KIFC3: variants seen among roughly 807,000 people sequenced by gnomAD.
KIFC3 encodes kinesin family member C3.
In KIFC3, 60 loss-of-function variants were observed where a neutral mutation model predicts 101.8. The ratio of observed to expected loss-of-function variants is 0.59; its 90% CI spans 0.48 to 0.73. The LOEUF is 0.73. Ranked by LOEUF, KIFC3 falls within the 30% of genes least tolerant of loss-of-function variation. The pLI, the probability that KIFC3 is intolerant of heterozygous loss-of-function variation, is 0.00. For missense variants in KIFC3, 966 were observed against 1,137.1 expected (o/e 0.85, Z 2.16); for synonymous variants, 476 against 482.7 (o/e 0.99, Z 0.18).
intron 1 of KIFC3, among the ~76,000 whole-genome samples, chr16:57,823,784 TG>T (rs2055403428): frequency 6.6e-6 from 1 of 151,242 alleles, no homozygotes; most frequent in African/African-American, 2.4e-5. Context: ...TGTGTGTGTG[TG>T]TGTGTGTGTG....
chr16:57,813,098 C>T (rs1029345394), intron 1 of KIFC3, among the ~76,000 whole-genome samples: 1 of 152,154 alleles, frequency 6.6e-6, no homozygotes, highest in Non-Finnish European at 1.5e-5. Flanking sequence ...GAGACTGAAG[C>T]TAGTGGATCA....
intron 1 of KIFC3, among the ~76,000 whole-genome samples, chr16:57,831,326 G>T (rs1286421156): frequency 6.6e-6 from 1 of 152,210 alleles, no homozygotes; most frequent in Non-Finnish European, 1.5e-5. Flanking sequence ...CCCACCCAGC[G>T]CCTTCTCTCC....
chr16:57,821,754 GA>G (rs1402169498), intron 1 of KIFC3, among the ~76,000 whole-genome samples: 2 of 151,940 alleles, frequency 1.3e-5, no homozygotes, highest in African/African-American at 4.8e-5. Flanking sequence ...GTTAAAAAAA[GA>G]AAAAAAATTT....
chr16:57,797,957 GTAA>G, intron 2 of KIFC3, 112 bp downstream of exon 2: 1 of 1,542,946 alleles, frequency 6.5e-7, no homozygotes, highest in Non-Finnish European at 8.7e-7. Flanking sequence ...CGGTTACCCT[GTAA>G]TTACCTGACA....
rs535794988 is a variant in KIFC3, at chr16:57,847,205, A to G, written c.108+15524T>C. Among the ~76,000 whole-genome samples, 145 of 40,358 alleles carry G rather than the reference A, an allele frequency of 3.6e-3. 1 individual carries two copies. The highest frequency in any genetic ancestry group is 9.9e-3 in the South Asian group (9 of 912). The allele number at this position is 40,358 out of a possible 152,430, so 26.5% of individuals were successfully genotyped here. On this transcript the variant is annotated intron_variant, in intron 1 of 2. Coordinates refer to the KIFC3 transcript ENST00000563028. Reference sequence around the variant, plus strand: ...TGTGAAGGAAGGAGGGAAGGAAGGAAGGAAGGAAGGAAGGAAGGAAGGAAG... The same window carrying G: ...TGTGAAGGAAGGAGGGAAGGAAGGAGGGAAGGAAGGAAGGAAGGAAGGAAG...
upstream of KIFC3, among the ~76,000 whole-genome samples, chr16:57,808,163 G>A (rs1044136990): frequency 3.3e-5 from 5 of 152,098 alleles, no homozygotes; most frequent in Non-Finnish European, 7.4e-5. Flanking sequence ...AAAGCAAACG[G>A]AGGCTTTGTG....
intron 12 of KIFC3, among the ~76,000 whole-genome samples, chr16:57,763,666 C>T (rs1234882433): frequency 6.6e-6 from 1 of 152,080 alleles, no homozygotes; most frequent in Non-Finnish European, 1.5e-5. Context: ...TTGGCCTGGC[C>T]CCAGGGACCA....
In KIFC3 at chr16:57,835,003, AG is replaced by A. The variant is rs368566921; in HGVS notation, c.108+27725del. Among the ~76,000 whole-genome samples the A allele has an allele frequency of 2.6e-4, 40 of 152,306 alleles. 1 individual carries two copies. Among genetic ancestry groups the A allele is most frequent in the African/African-American group, 9.6e-4 (40 of 41,578 alleles). ...CTTGGACATGGTGGTAAAATTCAGGAGGAAAAAAAATGCAACAGAAAAGCTG... is the reference window on the plus strand; with the variant it reads ...CTTGGACATGGTGGTAAAATTCAGGAGAAAAAAAATGCAACAGAAAAGCTG... On this transcript the variant is annotated intron_variant, in intron 1 of 2. Coordinates refer to the KIFC3 transcript ENST00000563028.
chr16:57,766,384 G>T (rs1289862614), intron 10 of KIFC3, among the ~76,000 whole-genome samples: 3 of 152,224 alleles, frequency 2.0e-5, no homozygotes, highest in African/African-American at 7.2e-5. Context: ...CAGGGTTGGG[G>T]TTCCCTGACA....
intron 1 of KIFC3, among the ~76,000 whole-genome samples, chr16:57,858,518 A>T (rs138267629): frequency 3.3e-3 from 500 of 152,350 alleles, no homozygotes; most frequent in Admixed American, 4.7e-3. Context: ...GTCAGTGCAC[A>T]TCATGACAGC....
chr16:57,797,949 G>T (rs189929360), intron 2 of KIFC3, 123 bp downstream of exon 2: 5 of 1,540,338 alleles, frequency 3.2e-6, no homozygotes, highest in Non-Finnish European at 4.4e-6. Context: ...TGGGCTGTCG[G>T]TTACCCTGTA....
In KIFC3 at chr16:57,760,266, G is replaced by A. The variant is rs564724482; in HGVS notation, c.2367+16C>T. On this transcript the variant is annotated intron_variant, in intron 17 of 19. Coordinates refer to ENST00000445690, the MANE Select transcript of KIFC3 (RefSeq NM_001130100.2). ...ACCCAGGGCCACCTGAGCCAGGCCTGTGACAGTCCCCGTACCTCTAGATGC... is the reference window on the plus strand; with the variant it reads ...ACCCAGGGCCACCTGAGCCAGGCCTATGACAGTCCCCGTACCTCTAGATGC... The A allele has an allele frequency of 6.2e-7, 1 of 1,605,638 alleles. No individual in the cohort carries two copies. The highest frequency in any genetic ancestry group is 2.2e-5 in the East Asian group (1 of 44,650).
chr16:57,785,117 G>A (rs1303452834), intron 3 of KIFC3, among the ~76,000 whole-genome samples: 2 of 152,162 alleles, frequency 1.3e-5, no homozygotes, highest in Admixed American at 1.3e-4. Flanking sequence ...AAGATGGGGT[G>A]GACTCAGGGT....
Position 57,769,864 on chromosome 16 carries a change from T to G in KIFC3, c.1031A>C (p.Glu344Ala), listed in dbSNP as rs782272615. Residue 344 changes from glutamate to alanine, a missense_variant, in exon 8 of 20, where the codon GAG becomes GCG. Glu to Ala is a moderately radical substitution (Grantham distance 107). Coordinates refer to ENST00000445690, the MANE Select transcript of KIFC3 (RefSeq NM_001130100.2). The surrounding 1 kb of genome is among the most constrained non-coding windows in gnomAD (Gnocchi z 4.3). Reference protein sequence around the residue: ...SLEEDKNRAIEEAFARAQVEM... With the variant: ...SLEEDKNRAIAEAFARAQVEM... Reference sequence around the variant, plus strand: ...CACCTGGGCTCTGGCAAAGGCCTCCTCAATGGCCCGGTTCTTGTCCTCTTC... The same window carrying G: ...CACCTGGGCTCTGGCAAAGGCCTCCGCAATGGCCCGGTTCTTGTCCTCTTC... 5.1e-5 allele frequency: 83 copies of G among 1,613,762 alleles called. 1 individual carries two copies. In the Admixed American group the frequency reaches 1.1e-3, roughly 21 times the overall value.
chr16:57,785,525 T>C (rs1188432486), intron 3 of KIFC3: 9 of 1,288,326 alleles, frequency 7.0e-6, no homozygotes, highest in Non-Finnish European at 6.1e-6. Flanking sequence ...CAGCCTCTCC[T>C]GTAGGACCAC....
intron 1 of KIFC3, among the ~76,000 whole-genome samples, chr16:57,847,906 C>T (rs1466383937): frequency 6.6e-6 from 1 of 151,838 alleles, no homozygotes; most frequent in Non-Finnish European, 1.5e-5. Context: ...GTGCCTCAGC[C>T]TCCCAAGTAG....
chr16:57,833,969 TCTC>T (rs1436727550), intron 1 of KIFC3, among the ~76,000 whole-genome samples: 1 of 149,050 alleles, frequency 6.7e-6, no homozygotes, highest in Non-Finnish European at 1.5e-5. Context: ...TTCAAGCAAT[TCTC>T]CTGCCTCAGC....
chr16:57,774,912 A>C, intron 3 of KIFC3: 2 of 1,449,172 alleles, frequency 1.4e-6, no homozygotes, highest in African/African-American at 1.4e-5. Context: ...AAAAGGTTGA[A>C]GTCTCCTTCC....
intron 1 of KIFC3, among the ~76,000 whole-genome samples, chr16:57,852,231 G>T (rs1175905564): frequency 2.6e-5 from 4 of 152,166 alleles, no homozygotes; most frequent in Admixed American, 6.5e-5. Flanking sequence ...TGGGGGTGGA[G>T]CTTGTGACTG....
Sources: gnomAD v4.1 joint callset for allele counts (sites outside exome capture counted in the v4.1 genomes callset) on GRCh38, gnomAD v4.1.1 for gene constraint, Gnocchi (gnomAD v3.1) non-coding constraint, MANE v1.5 for transcripts, NCBI Gene and HGNC (gene_info 2026-07-23, HGNC 2026-07-21) for gene names.